Variants in NT5M observed in about 807,000 individuals in gnomAD.
NT5M encodes 5'(3')-deoxyribonucleotidase, mitochondrial.
A neutral mutation model predicts 22.2 loss-of-function variants in NT5M; 22 were observed. The ratio of observed to expected loss-of-function variants is 0.99; its 90% confidence interval spans 0.71 to 1.41. The LOEUF is 1.41. Ranked by LOEUF, NT5M falls within the 40% of genes most tolerant of loss-of-function variation. The pLI is 0.00. For missense variants in NT5M, 322 were observed against 314.8 expected (o/e 1.02, Z -0.17); for synonymous variants, 167 against 133.0 (o/e 1.26, Z -1.76).
chr17:17,313,735 T>TCAGG (rs1166880409), intron 2 of NT5M, among the ~76,000 whole-genome samples: 3 of 152,178 alleles, frequency 2.0e-5, no homozygotes, highest in African/African-American at 4.8e-5. Flanking sequence ...GCGTTGGGGC[T>TCAGG]CAGGCAGGCA....
At chr17:17,318,595 T>C (rs1360328622) in intron 2 of NT5M, among the ~76,000 whole-genome samples, 1 of 149,420 alleles carries the variant, frequency 6.7e-6, no homozygotes, top group Non-Finnish European at 1.5e-5. Context: ...AGACCAGCCT[T>C]ACCAACATGG....
At chr17:17,320,543 C>T (rs1211184158) in intron 2 of NT5M, among the ~76,000 whole-genome samples, 1 of 152,164 alleles carries the variant, frequency 6.6e-6, no homozygotes, top group Non-Finnish European at 1.5e-5. Flanking sequence ...AGACTAGGAA[C>T]TGAGGGAAGA....
At position 17,347,275 on chromosome 17, in the gene NT5M, A is replaced by G. The variant is rs775802602; in HGVS notation, c.*328A>G. 20 of 292,332 alleles carry G rather than the reference A, an allele frequency of 6.8e-5. No homozygotes were observed. Among genetic ancestry groups the G allele is most frequent in the Non-Finnish European group, 1.1e-4 (18 of 156,994 alleles). The allele number at this position is 292,332 out of a possible 1,614,324, so 18.1% of individuals were successfully genotyped here. ...GTTCAGGGGGCTGGTGGCCGTCTCC[A>G]CTCCCTAGGCAAGTTCTCTGAGGCA... On this transcript the variant is annotated 3_prime_UTR_variant, in exon 5 of 5. Transcript: ENST00000389022.
At chr17:17,315,384 A>G (rs1287198439) in intron 2 of NT5M, among the ~76,000 whole-genome samples, 2 of 152,220 alleles carry the variant, frequency 1.3e-5, no homozygotes, top group Non-Finnish European at 2.9e-5. Context: ...GAAGATGACA[A>G]CATATAAACT....
chr17:17,320,061 T>G (rs2049118549), intron 2 of NT5M, among the ~76,000 whole-genome samples: 3 of 152,204 alleles, frequency 2.0e-5, no homozygotes, highest in Non-Finnish European at 4.4e-5. Context: ...AGGCTGGTCT[T>G]GAACTCCTGA....
intron 2 of NT5M, 44 bp downstream of exon 2, chr17:17,306,687 C>T: frequency 7.7e-7 from 1 of 1,306,194 alleles, no homozygotes; most frequent in African/African-American, 1.5e-5. Context: ...GTCTGAGCAG[C>T]CACTGAGCCC....
rs141332660 is a variant in NT5M, at chr17:17,318,645, C to T, written c.369-4540C>T. ...TACTAAAAATACAAAATTAGCTGGA[C>T]GTGGTGGCACATACCTGTAATCCCA... On this transcript the variant is annotated intron_variant, in intron 2 of 4. Coordinates refer to ENST00000389022, the MANE Select transcript of NT5M (RefSeq NM_020201.4). Among the ~76,000 whole-genome samples, 13 of 151,288 alleles carry T rather than the reference C, an allele frequency of 8.6e-5. No individual in the cohort carries two copies. The East Asian group carries it at 2.1e-3, about 25-fold the overall frequency.
At chr17:17,330,742 C>CTTTTTTTTTTT (rs58633073) in intron 3 of NT5M, among the ~76,000 whole-genome samples, 1 of 118,724 alleles carries the variant, frequency 8.4e-6, no homozygotes, top group Non-Finnish European at 1.7e-5. Flanking sequence ...TTCTTTCTTT[C>CTTTTTTTTTTT]TTTTTTTTTT....
intron 3 of NT5M, among the ~76,000 whole-genome samples, chr17:17,334,457 C>T (rs1190580029): frequency 4.6e-5 from 7 of 150,690 alleles, no homozygotes; most frequent in Non-Finnish European, 7.4e-5. Flanking sequence ...ATGTAAATAC[C>T]ACACTGTCTC....
intron 2 of NT5M, among the ~76,000 whole-genome samples, chr17:17,308,452 C>T (rs1388658900): frequency 2.6e-5 from 4 of 151,856 alleles, no homozygotes; most frequent in African/African-American, 7.3e-5. Context: ...ATTAGCTGGG[C>T]GTGGGGGCGG....
chr17:17,318,745 A>G (rs1007346452), intron 2 of NT5M, among the ~76,000 whole-genome samples: 3 of 126,348 alleles, frequency 2.4e-5, no homozygotes, highest in African/African-American at 5.9e-5. Context: ...AGATCACGCC[A>G]TTGCACTCCA....
intron 2 of NT5M, among the ~76,000 whole-genome samples, chr17:17,322,761 C>T (rs1479481568): frequency 6.6e-6 from 1 of 152,208 alleles, no homozygotes; most frequent in Non-Finnish European, 1.5e-5. Context: ...ATGTGGCGCT[C>T]CTCACGCGGA....
chr17:17,347,026 G>T lies in NT5M; in HGVS notation c.*79G>T. The T allele has an allele frequency of 6.5e-7, 1 of 1,544,704 alleles. No individual in the cohort carries two copies. On this transcript the variant is annotated 3_prime_UTR_variant, in exon 5 of 5. Transcript: ENST00000389022. ...TCGGGGCCTGTGGGGCCAGTATGCT[G>T]GTCTGGGAGTCCCTCCTAGACTCCT...
Position 17,303,796 on chromosome 17 carries a change from C to G in NT5M, c.246C>G (p.Gly82=), listed in dbSNP as rs370474354. 1 of 1,543,218 alleles carries G rather than the reference C, an allele frequency of 6.5e-7. No homozygotes were observed. Among genetic ancestry groups the G allele is most frequent in the Admixed American group, 1.8e-5 (1 of 54,408 alleles). ...RRGFWVSEQY[G]RLRPGLSEKA... Reference sequence around the variant, plus strand: ...GCTTCTGGGTGTCGGAGCAGTACGGCCGCCTGCGGCCAGGGCTGAGCGTGA... The same window carrying G: ...GCTTCTGGGTGTCGGAGCAGTACGGGCGCCTGCGGCCAGGGCTGAGCGTGA... The change falls in exon 1 of 5, where the codon GGC becomes GGG. Residue 82 remains glycine (G), a synonymous_variant. Transcript: ENST00000389022.
At chr17:17,324,779 C>T (rs894450961) in intron 3 of NT5M, among the ~76,000 whole-genome samples, 2 of 152,158 alleles carry the variant, frequency 1.3e-5, no homozygotes, top group Non-Finnish European at 2.9e-5. Flanking sequence ...CTCAAGTGAT[C>T]CTCCCACCTC....
At chr17:17,305,772 C>T (rs2145309551) in intron 1 of NT5M, among the ~76,000 whole-genome samples, 1 of 152,162 alleles carries the variant, frequency 6.6e-6, no homozygotes, top group South Asian at 2.1e-4. Context: ...GTGCTGCATT[C>T]TGGCCCTGCA....
At chr17:17,345,052 G>A in intron 4 of NT5M, 144 bp downstream of exon 4, 2 of 1,283,690 alleles carry the variant, frequency 1.6e-6, no homozygotes, top group Non-Finnish European at 2.1e-6. Context: ...CCTTCGGGAA[G>A]ACAAGGCCCC....
At chr17:17,319,466 C>T (rs1331486185) in intron 2 of NT5M, among the ~76,000 whole-genome samples, 1 of 152,076 alleles carries the variant, frequency 6.6e-6, no homozygotes, top group African/African-American at 2.4e-5. Context: ...CTCAGTAAAA[C>T]TTTTAAGAAA....
chr17:17,344,753 C>G lies in NT5M; in HGVS notation c.430-41C>G, dbSNP rs770045962. ...CTTGGTTGGCTCCCAGGTCTGATGT[C>G]ACTTTCTTCTCACCACCTGCCCTTG... is the stretch of plus-strand genomic sequence containing the variant. On this transcript the variant is annotated intron_variant, in intron 3 of 4. Transcript: ENST00000389022. 11 of 1,604,974 alleles carry G rather than the reference C, an allele frequency of 6.9e-6. No homozygotes were observed. In the Admixed American group the frequency reaches 1.2e-4, roughly 17 times the overall value.
Sources: gnomAD v4.1 joint callset for allele counts (sites outside exome capture counted in the v4.1 genomes callset) on GRCh38, gnomAD v4.1.1 for gene constraint, MANE v1.5 for transcripts, NCBI Gene and HGNC (gene_info 2026-07-23, HGNC 2026-07-21) for gene names.